Variants in AREL1 observed in about 807,000 individuals in gnomAD.
AREL1 encodes the protein apoptosis resistant E3 ubiquitin protein ligase 1.
In AREL1, 62 loss-of-function variants were observed where a neutral mutation model predicts 99.0. That is an observed-to-expected ratio of 0.63 (90% confidence interval 0.51 to 0.77). AREL1 has a LOEUF of 0.77. Among genes scored for constraint, AREL1 ranks in the 30% least tolerant of loss-of-function variants. The pLI is 0.00. For synonymous variants in AREL1, 380 were observed against 376.5 expected, an observed-to-expected ratio of 1.01 and a Z score of -0.11; for missense variants, 879 against 1,027.6, an observed-to-expected ratio of 0.86 and a Z score of 1.98.
intron 12 of AREL1, among the ~76,000 whole-genome samples, chr14:74,671,122 C>T (rs1229650242): frequency 6.6e-6 from 1 of 152,196 alleles, no homozygotes; most frequent in East Asian, 1.9e-4. Flanking sequence ...AGGAAATGGA[C>T]ATTTCTCTCA....
intron 5 of AREL1, chr14:74,678,246 C>G (rs1345565787): frequency 6.6e-6 from 3 of 453,678 alleles, no homozygotes; most frequent in African/African-American, 6.0e-5. Flanking sequence ...CCTGTAATCC[C>G]AACACTTTGG....
At chr14:74,703,462 G>A (rs1460483364) in intron 1 of AREL1, among the ~76,000 whole-genome samples, 2 of 152,142 alleles carry the variant, frequency 1.3e-5, no homozygotes, top group African/African-American at 4.8e-5. Flanking sequence ...TTTGGGTGGG[G>A]ACACAGCCAA....
At chr14:74,673,038 G>A (rs759656178) in intron 10 of AREL1, 39 bp downstream of exon 10, 2 of 1,614,022 alleles carry the variant, frequency 1.2e-6, no homozygotes, top group Non-Finnish European at 1.7e-6. Context: ...ATGTGGCTGG[G>A]CTCACTACCT....
chr14:74,681,805 T>G (rs1168761666), intron 5 of AREL1, among the ~76,000 whole-genome samples: 2 of 147,786 alleles, frequency 1.4e-5, no homozygotes, highest in African/African-American at 5.0e-5. Context: ...AGAAACAGGT[T>G]GGGGGGGATA....
Position 74,676,703 on chromosome 14 carries a change from A to G in AREL1, c.531T>C (p.Leu177=), listed in dbSNP as rs1335767452. The part of the protein sequence containing the change: ...KTKIVCHFST[L]VLTCGQPHTL... ...TGTGCGGCTGCCCACAGGTCAATAC[A>G]AGAGTAGAAAAGTGGCACACAATTT... The change falls in exon 6 of 20, where the codon CTT becomes CTC. Residue 177 remains leucine (L), a synonymous_variant. Coordinates refer to ENST00000356357, the MANE Select transcript of AREL1 (RefSeq NM_001039479.2). 5.6e-6 allele frequency: 9 copies of G among 1,612,780 alleles called. No homozygotes were observed. The highest frequency in any genetic ancestry group is 7.6e-6 in the Non-Finnish European group (9 of 1,179,386).
chr14:74,707,461 G>A (rs759728664), intron 1 of AREL1, among the ~76,000 whole-genome samples: 59 of 151,616 alleles, frequency 3.9e-4, no homozygotes, highest in Middle Eastern at 6.8e-3. Context: ...AGGAGATCGA[G>A]ACCACCCTGG....
chr14:74,687,976 A>T lies in AREL1; in HGVS notation c.-45-2316T>A, dbSNP rs561094156. Among the ~76,000 whole-genome samples the T allele has an allele frequency of 2.0e-5, 3 of 151,794 alleles. No homozygotes were observed. In the East Asian group the frequency reaches 5.8e-4, roughly 29 times the overall value. On this transcript the variant is annotated intron_variant, in intron 2 of 19. Transcript: ENST00000356357. ...AAAAATTTTACAATAAAGGGTTAAAAACTCATCCTAAAATAATTCGTCCAA... is the reference window on the plus strand; with the variant it reads ...AAAAATTTTACAATAAAGGGTTAAATACTCATCCTAAAATAATTCGTCCAA...
At chr14:74,699,391 GAGAGCA>G (rs2090040969) in intron 1 of AREL1, among the ~76,000 whole-genome samples, 1 of 151,832 alleles carries the variant, frequency 6.6e-6, no homozygotes, top group Non-Finnish European at 1.5e-5. Context: ...GAGAGAGAGA[GAGAGCA>G]AGAGCAAGAG....
rs1166311199 is a variant in AREL1, at chr14:74,692,340, A to C, written c.-333-12T>G. On this transcript the variant is annotated splice_polypyrimidine_tract_variant and intron_variant, in intron 1 of 19. Coordinates refer to ENST00000356357, the MANE Select transcript of AREL1 (RefSeq NM_001039479.2). ...GACGCCCCAGGATCCTGTCCAAAAA[A>C]GAAAACAGGGTTAGTTGGAATAGGT... The C allele has an allele frequency of 2.4e-6, 1 of 415,478 alleles. No individual in the cohort carries two copies. The highest frequency in any genetic ancestry group is 1.7e-5 in the South Asian group (1 of 57,784). 25.7% of individuals were successfully genotyped at this position (415,478 alleles called of 1,614,324 possible).
intron 3 of AREL1, 50 bp downstream of exon 3, chr14:74,685,550 C>A: frequency 6.2e-7 from 1 of 1,610,300 alleles, no homozygotes; most frequent in South Asian, 1.1e-5. Context: ...AAAAAGGACC[C>A]AAGCAACCTT....
intron 18 of AREL1, 67 bp from the exon 19 acceptor site, chr14:74,664,141 G>A: frequency 6.5e-7 from 1 of 1,530,030 alleles, no homozygotes. Context: ...CCCTGGGGAA[G>A]GAACAAGATA....
intron 11 of AREL1, 100 bp downstream of exon 11, chr14:74,672,727 CCTAT>C (rs1217403103): frequency 6.7e-7 from 1 of 1,483,310 alleles, no homozygotes; most frequent in Non-Finnish European, 9.2e-7. Context: ...AGAGTGAGAC[CCTAT>C]CTCCCAAACA....
At chr14:74,680,177 A>C (rs888476063) in intron 5 of AREL1, among the ~76,000 whole-genome samples, 44 of 151,886 alleles carry the variant, frequency 2.9e-4, no homozygotes, top group Non-Finnish European at 4.6e-4. Context: ...GGATGTCTAA[A>C]AAAAAAAGAA....
intron 1 of AREL1, among the ~76,000 whole-genome samples, chr14:74,697,288 C>G (rs571213785): frequency 1.3e-5 from 2 of 152,240 alleles, no homozygotes; most frequent in Non-Finnish European, 2.9e-5. Flanking sequence ...AATGACAAGA[C>G]AAAAGAAAGA....
Position 74,664,767 on chromosome 14 carries a change from T to A in AREL1, c.2193+69A>T, listed in dbSNP as rs2089174666. The A allele has an allele frequency of 4.1e-6, 6 of 1,465,882 alleles. No homozygotes were observed. The South Asian group carries it at 4.6e-5, about 11-fold the overall frequency. The allele number at this position is 1,465,882 out of a possible 1,614,324, so 90.8% of individuals were successfully genotyped here. On this transcript the variant is annotated intron_variant, in intron 18 of 19. Coordinates refer to ENST00000356357, the MANE Select transcript of AREL1 (RefSeq NM_001039479.2). ...AGCCACTGCGCCCGGCCTCCTCTACTTTTTTCTTCTGAAACTTTTTCCTTA... is the reference window on the plus strand; with the variant it reads ...AGCCACTGCGCCCGGCCTCCTCTACATTTTTCTTCTGAAACTTTTTCCTTA...
chr14:74,676,767 A>G lies in AREL1; in HGVS notation c.482-15T>C. ...AACCACCATTCCTGGAACAAAGACA[A>G]TGGAATCTAACATTTATTTATTTTA... On this transcript the variant is annotated splice_polypyrimidine_tract_variant and intron_variant, in intron 5 of 19. Transcript: ENST00000356357. 2.6e-6 allele frequency: 4 copies of G among 1,538,026 alleles called. No individual in the cohort carries two copies. Among genetic ancestry groups the G allele is most frequent in the Non-Finnish European group, 3.5e-6 (4 of 1,146,066 alleles).
In AREL1 at chr14:74,669,720, T is replaced by C; in HGVS notation, c.1843A>G (p.Asn615Asp). Reference sequence around the variant, plus strand: ...AGCTCCATCTCACTCATGTCATTGTTGAGGATAAAACAAACTTTAGATTTG... The same window carrying C: ...AGCTCCATCTCACTCATGTCATTGTCGAGGATAAAACAAACTTTAGATTTG... Reference protein sequence around the residue: ...FYKSKVCFILNNDMSEMELVF... With the variant: ...FYKSKVCFILDNDMSEMELVF... Residue 615 changes from asparagine (N) to aspartate (D), a missense_variant, in exon 15 of 20, where the codon AAC becomes GAC. Transcript: ENST00000356357. The C allele has an allele frequency of 6.2e-7, 1 of 1,614,194 alleles. No individual in the cohort carries two copies. The highest frequency in any genetic ancestry group is 8.5e-7 in the Non-Finnish European group (1 of 1,180,026).
At chr14:74,698,703 C>A in intron 1 of AREL1, 1 of 159,444 alleles carries the variant, frequency 6.3e-6, no homozygotes, top group Non-Finnish European at 1.4e-5. Flanking sequence ...AGTGGAAAAG[C>A]AGAGACAACA....
rs766338378 is a variant in AREL1 at position 74,676,185 on chromosome 14, T to G, written c.788A>C (p.Asn263Thr). 7.4e-6 allele frequency: 12 copies of G among 1,613,860 alleles called. No homozygotes were observed. Among genetic ancestry groups the G allele is most frequent in the South Asian group, 1.1e-5 (1 of 91,078 alleles). ...AAATTCACCATTATTGATTGGCTGA[T>G]TTTGGTATGAAATGCAAGCATGGAA... ...GCFHACISYQ[N>T]QPINNGEFDI... Residue 263 changes from asparagine to threonine, a missense_variant, in exon 7 of 20, where the codon AAT becomes ACT. Physicochemically the swap from Asn to Thr is moderately conservative, Grantham distance 65. Coordinates refer to ENST00000356357, the MANE Select transcript of AREL1 (RefSeq NM_001039479.2).
Sources: allele counts gnomAD v4.1 joint callset (sites outside exome capture counted in the v4.1 genomes callset), GRCh38; gene constraint gnomAD v4.1.1; transcripts MANE v1.5; gene names NCBI Gene and HGNC (gene_info 2026-07-23, HGNC 2026-07-21).